CHID1: variants seen among roughly 807,000 people sequenced by gnomAD.
The protein encoded by CHID1 is chitinase domain containing 1, also known as chitinase domain-containing protein 1.
In CHID1, 44 loss-of-function variants were observed where a neutral mutation model predicts 55.4. The ratio of observed to expected loss-of-function variants is 0.79; its 90% confidence interval spans 0.62 to 1.02. The LOEUF (loss-of-function observed/expected upper bound fraction) is 1.02, where lower values mean the gene tolerates loss of function less well. Ranked by LOEUF, CHID1 falls within the 50% of genes least tolerant of loss-of-function variation. The pLI, the probability that CHID1 is intolerant of heterozygous loss-of-function variation, is 0.00. For synonymous variants in CHID1, 216 were observed against 212.9 expected (o/e 1.01, Z -0.13); for missense variants, 491 against 515.3 (o/e 0.95, Z 0.46).
intron 8 of CHID1, among the ~76,000 whole-genome samples, chr11:884,563 G>A (rs1850255501): frequency 6.6e-6 from 1 of 152,170 alleles, no homozygotes; most frequent in South Asian, 2.1e-4. Context: ...GTCCCCTCCC[G>A]GGGTCTGCAG....
intron 7 of CHID1, among the ~76,000 whole-genome samples, chr11:894,698 G>A (rs1851127572): frequency 6.6e-6 from 1 of 152,136 alleles, no homozygotes; most frequent in African/African-American, 2.4e-5. Context: ...CCCAGGTCCC[G>A]CCCCACTCCA....
chr11:882,580 A>G (rs1406983092), intron 10 of CHID1: 1 of 153,484 alleles, frequency 6.5e-6, no homozygotes, highest in African/African-American at 2.4e-5. Flanking sequence ...AATACAAGAT[A>G]TTCCTACGAG....
At position 869,590 on chromosome 11, in the gene CHID1, TG is replaced by T. The variant is rs1849030495; in HGVS notation, c.*267del. 1.8e-6 allele frequency: 1 copy of T among 564,834 alleles called. No homozygotes were observed. The highest frequency in any genetic ancestry group is 3.2e-6 in the Non-Finnish European group (1 of 315,562). The allele number at this position is 564,834 out of a possible 1,614,324, so 35.0% of individuals were successfully genotyped here. A position where few individuals can be genotyped will look rare whatever the true frequency, so the allele number is the denominator to read the frequency against. ...GGCTGTCCTGGTGGGGCAGGTACTG[TG>T]GGCCCCGCCTGCCCAGCTGACAGGA... On this transcript the variant is annotated 3_prime_UTR_variant, in exon 13 of 13. Transcript: ENST00000323578.
intron 10 of CHID1, among the ~76,000 whole-genome samples, chr11:881,168 G>C (rs904296969): frequency 2.0e-5 from 3 of 152,234 alleles, no homozygotes; most frequent in African/African-American, 7.2e-5. Context: ...TGTTGGCTGG[G>C]CTTGGTGGCT....
chr11:909,942 C>T (rs1852523964), intron 1 of CHID1, among the ~76,000 whole-genome samples: 1 of 152,110 alleles, frequency 6.6e-6, no homozygotes, highest in South Asian at 2.1e-4. Context: ...CGCCTGTACT[C>T]CCAGCAACTC....
chr11:911,211 G>GGGACCC (rs897171080), upstream of CHID1: 1 of 151,700 alleles, frequency 6.6e-6, no homozygotes, highest in Non-Finnish European at 1.5e-5. Flanking sequence ...CGCTCCCCCG[G>GGGACCC]GGACCCGGAG....
chr11:909,465 G>C (rs1250677380), intron 1 of CHID1, among the ~76,000 whole-genome samples: 2 of 152,252 alleles, frequency 1.3e-5, no homozygotes, highest in Non-Finnish European at 2.9e-5. Context: ...TGCGCTCCCA[G>C]TCCGTAGGTC....
intron 7 of CHID1, among the ~76,000 whole-genome samples, chr11:898,368 C>T (rs900223668): frequency 1.3e-5 from 2 of 152,168 alleles, no homozygotes; most frequent in African/African-American, 4.8e-5. Context: ...GCGGGGGAGC[C>T]GATTCCAGAA....
intron 10 of CHID1, among the ~76,000 whole-genome samples, chr11:872,801 C>T (rs919456504): frequency 6.6e-6 from 1 of 152,214 alleles, no homozygotes; most frequent in Non-Finnish European, 1.5e-5. Flanking sequence ...TACCTCAGGG[C>T]AGGGTTGGCC....
At chr11:898,678 TCAGTC>T (rs1302035376) in intron 7 of CHID1, among the ~76,000 whole-genome samples, 3 of 152,160 alleles carry the variant, frequency 2.0e-5, no homozygotes, top group Admixed American at 6.5e-5. Context: ...AGGGCTGTGG[TCAGTC>T]CAGTCCAGGC....
upstream of CHID1, chr11:914,598 G>A (rs747212932): frequency 1.8e-5 from 23 of 1,286,252 alleles, no homozygotes; most frequent in Non-Finnish European, 2.2e-5. Flanking sequence ...GCTGGGAGTG[G>A]TGGCTCACGC....
At chr11:891,179 G>A (rs747070774) in intron 8 of CHID1, among the ~76,000 whole-genome samples, 84 of 152,276 alleles carry the variant, frequency 5.5e-4, no homozygotes, top group Non-Finnish European at 1.0e-3. Context: ...GGGAGCCTCA[G>A]CACCTTCACC....
chr11:903,981 C>G (rs1054331124), intron 2 of CHID1, among the ~76,000 whole-genome samples: 2 of 152,172 alleles, frequency 1.3e-5, no homozygotes, highest in African/African-American at 4.8e-5. Context: ...CTGCCACCCC[C>G]CTGGCCAATG....
At position 869,609 on chromosome 11, in the gene CHID1, T is replaced by C; in HGVS notation, c.*249A>G. 1 of 578,904 alleles carries C rather than the reference T, an allele frequency of 1.7e-6. No individual in the cohort carries two copies. Among genetic ancestry groups the C allele is most frequent in the East Asian group, 2.9e-5 (1 of 34,718 alleles). 35.9% of individuals were successfully genotyped at this position (578,904 alleles called of 1,614,324 possible). A position where few individuals can be genotyped will look rare whatever the true frequency, so the allele number is the denominator to read the frequency against. Reference sequence around the variant, plus strand: ...GTACTGTGGGCCCCGCCTGCCCAGCTGACAGGAGGCAGCCAGCGGATGCCC... The same window carrying C: ...GTACTGTGGGCCCCGCCTGCCCAGCCGACAGGAGGCAGCCAGCGGATGCCC... On this transcript the variant is annotated 3_prime_UTR_variant, in exon 13 of 13. Coordinates refer to ENST00000323578, the MANE Select transcript of CHID1 (RefSeq NM_023947.4).
intron 7 of CHID1, 142 bp downstream of exon 7, chr11:899,198 A>C (rs1243453490): frequency 2.6e-6 from 2 of 760,218 alleles, no homozygotes; most frequent in Admixed American, 4.8e-5. Context: ...GCAGGTGTCC[A>C]TCTTTTGTGC....
In CHID1 at chr11:870,498, A is replaced by G; in HGVS notation, c.961T>C (p.Tyr321His). 6.2e-7 allele frequency: 1 copy of G among 1,605,618 alleles called. No individual in the cohort carries two copies. Among genetic ancestry groups the G allele is most frequent in the Non-Finnish European group, 8.5e-7 (1 of 1,175,586 alleles). Residue 321 changes from tyrosine to histidine, a missense_variant and splice_region_variant, in exon 11 of 13, where the codon TAC becomes CAC. Tyr to His is a moderately conservative substitution (Grantham distance 83). Coordinates refer to ENST00000323578, the MANE Select transcript of CHID1 (RefSeq NM_023947.4). Reference protein sequence around the residue: ...DAREPVVGARYIQTLKDHRPR... With the variant: ...DAREPVVGARHIQTLKDHRPR... ...CTGTGGTCCTTCAGTGTCTGGATGT[A>G]CCTGGGGAGACCAGGATATGGATTT...
chr11:902,534 T>C (rs561783704), intron 3 of CHID1, among the ~76,000 whole-genome samples: 1 of 152,276 alleles, frequency 6.6e-6, no homozygotes, highest in Non-Finnish European at 1.5e-5. Context: ...GGCCACGACA[T>C]CCCTTTCACC....
At chr11:882,395 T>C (rs1423904350) in intron 10 of CHID1, 1 of 152,180 alleles carries the variant, frequency 6.6e-6, no homozygotes, top group Non-Finnish European at 1.5e-5. Context: ...GGATCTAGTG[T>C]TTGTGGTCTC....
upstream of CHID1, chr11:914,867 G>T (rs1359282132): frequency 9.2e-6 from 3 of 327,856 alleles, no homozygotes; most frequent in African/African-American, 6.6e-5. Flanking sequence ...CATTTGCAGA[G>T]TCAGCACAGG....
Sources: allele counts gnomAD v4.1 joint callset (sites outside exome capture counted in the v4.1 genomes callset), GRCh38; gene constraint gnomAD v4.1.1; transcripts MANE v1.5; gene names NCBI Gene and HGNC (gene_info 2026-07-23, HGNC 2026-07-21).